Variants in NAA60 observed in about 807,000 individuals in gnomAD.
NAA60 encodes N-alpha-acetyltransferase 60, NatF catalytic subunit, also known as N-alpha-acetyltransferase 60.
A neutral mutation model predicts 26.1 loss-of-function variants in NAA60; 8 were observed. The ratio of observed to expected loss-of-function variants is 0.31; its 90% CI spans 0.18 to 0.55. NAA60 has a LOEUF of 0.55. Among genes scored for constraint, NAA60 ranks in the 20% least tolerant of loss-of-function variants. NAA60 has a pLI of 0.93. For missense variants in NAA60, 290 were observed against 311.3 expected (o/e 0.93, Z 0.51); for synonymous variants, 131 against 122.5 (o/e 1.07, Z -0.46).
At chr16:3,455,040 A>T (rs907133404) in intron 2 of NAA60, among the ~76,000 whole-genome samples, 3 of 152,172 alleles carry the variant, frequency 2.0e-5, no homozygotes, top group Non-Finnish European at 4.4e-5. Context: ...TTATTTTCTC[A>T]TTTGTGTTTT....
At chr16:3,471,179 A>G (rs1442246712) in intron 2 of NAA60, among the ~76,000 whole-genome samples, 1 of 152,162 alleles carries the variant, frequency 6.6e-6, no homozygotes, top group Non-Finnish European at 1.5e-5. Flanking sequence ...ACCAAGCCAC[A>G]ATATAGAGAT....
chr16:3,457,276 A>G (rs932001699), intron 2 of NAA60, among the ~76,000 whole-genome samples: 12 of 151,512 alleles, frequency 7.9e-5, no homozygotes, highest in Non-Finnish European at 1.8e-4. Context: ...TGACATTCCC[A>G]TCCCTACAAA....
rs140769087 is a variant in NAA60 at position 3,448,520 on chromosome 16, T to C, written c.-27T>C. The C allele has an allele frequency of 1.3e-6, 2 of 1,535,560 alleles. No homozygotes were observed. The highest frequency in any genetic ancestry group is 1.7e-6 in the Non-Finnish European group (2 of 1,146,858). On this transcript the variant is annotated 5_prime_UTR_variant, in exon 2 of 8. Coordinates refer to ENST00000407558, the MANE Select transcript of NAA60 (RefSeq NM_001083601.3). The stretch of plus-strand genomic sequence containing the variant: ...GAAGGAAGTGCGGAGCCAGCCTGAG[T>C]TGGGAGAAGAGCTCCAGAGAGTGAG...
At chr16:3,448,222 T>C (rs2034630872) in intron 1 of NAA60, among the ~76,000 whole-genome samples, 1 of 143,194 alleles carries the variant, frequency 7.0e-6, no homozygotes, top group African/African-American at 2.6e-5. Context: ...TGCAGTGAGC[T>C]AGCATTGTGC....
intron 2 of NAA60, among the ~76,000 whole-genome samples, chr16:3,454,753 T>C (rs748375041): frequency 1.3e-5 from 2 of 152,144 alleles, no homozygotes; most frequent in Non-Finnish European, 2.9e-5. Context: ...TCTGCTTGAC[T>C]TGCTTAGGCA....
chr16:3,476,888 A>C (rs1375504231), intron 3 of NAA60, among the ~76,000 whole-genome samples: 1 of 152,134 alleles, frequency 6.6e-6, no homozygotes, highest in Non-Finnish European at 1.5e-5. Flanking sequence ...CTAAAAATAC[A>C]AAATTAGCCA....
intron 2 of NAA60, 179 bp from the exon 3 acceptor site, chr16:3,476,043 G>T (rs1429066935): frequency 3.5e-6 from 2 of 577,272 alleles, no homozygotes; most frequent in Non-Finnish European, 6.1e-6. Flanking sequence ...CCCAGCGATG[G>T]GGGCGACTGC....
At chr16:3,461,470 A>G (rs940021820) in intron 2 of NAA60, among the ~76,000 whole-genome samples, 3 of 152,224 alleles carry the variant, frequency 2.0e-5, no homozygotes, top group African/African-American at 7.2e-5. Context: ...TCAGCAGCTC[A>G]GACGGGATTC....
chr16:3,464,347 A>C (rs1400356984), intron 2 of NAA60, among the ~76,000 whole-genome samples: 1 of 152,184 alleles, frequency 6.6e-6, no homozygotes, highest in Non-Finnish European at 1.5e-5. Context: ...ATTCCAGAGG[A>C]TCTTAAGTGC....
At chr16:3,458,078 A>G (rs1260829702) in intron 2 of NAA60, 3 of 985,296 alleles carry the variant, frequency 3.0e-6, no homozygotes, top group Non-Finnish European at 3.6e-6. Context: ...TGCCGGTTAC[A>G]TAACTCGTTG....
At chr16:3,464,057 A>G (rs1403126102) in intron 2 of NAA60, among the ~76,000 whole-genome samples, 2 of 152,152 alleles carry the variant, frequency 1.3e-5, no homozygotes, top group Non-Finnish European at 2.9e-5. Flanking sequence ...ATTTTGAGAC[A>G]GAGTCTCACT....
chr16:3,450,685 G>C (rs772182639), intron 2 of NAA60, among the ~76,000 whole-genome samples: 1 of 133,328 alleles, frequency 7.5e-6, no homozygotes, highest in Non-Finnish European at 1.6e-5. Context: ...GGGCGACAGA[G>C]TGAGACTCCG....
intron 3 of NAA60, among the ~76,000 whole-genome samples, chr16:3,478,064 A>AAATAATAATAATAATAAT (rs60478448): frequency 0.019 from 2,617 of 137,218 alleles, 41 homozygotes; most frequent in African/African-American, 0.04. Flanking sequence ...CTCTGTCTCA[A>AAATAATAATAATAATAAT]AATAATAATA....
At position 3,484,679 on chromosome 16, in the gene NAA60, C is replaced by A; in HGVS notation, c.573-20C>A. On this transcript the variant is annotated intron_variant, in intron 6 of 7. Transcript: ENST00000407558. The stretch of plus-strand genomic sequence containing the variant: ...GAGCGTGGTCAGGGCAAGTCGGAAT[C>A]TTCCTTAACAGAGCCCCACGGACTA... 1 of 1,577,198 alleles carries A rather than the reference C, an allele frequency of 6.3e-7. No homozygotes were observed. Among genetic ancestry groups the A allele is most frequent in the Admixed American group, 1.8e-5 (1 of 54,612 alleles).
At chr16:3,457,965 G>A (rs1596299047) in intron 2 of NAA60, 14 of 985,144 alleles carry the variant, frequency 1.4e-5, no homozygotes, top group African/African-American at 8.7e-5. Context: ...AGGGGGCGGG[G>A]CCACGTGGGG....
At chr16:3,468,790 G>C (rs1478325900) in intron 2 of NAA60, among the ~76,000 whole-genome samples, 1 of 152,188 alleles carries the variant, frequency 6.6e-6, no homozygotes, top group African/African-American at 2.4e-5. Context: ...AAATTCAAGG[G>C]AGTGGCCGGG....
chr16:3,449,152 C>T (rs2034669498), intron 2 of NAA60, among the ~76,000 whole-genome samples: 1 of 152,042 alleles, frequency 6.6e-6, no homozygotes, highest in African/African-American at 2.4e-5. Flanking sequence ...GCGGGTAGAT[C>T]TCTGGAGGTC....
chr16:3,485,308 G>A (rs758584654), intron 7 of NAA60, 159 bp from the exon 8 acceptor site: 16 of 531,246 alleles, frequency 3.0e-5, no homozygotes, highest in East Asian at 9.6e-5. Flanking sequence ...TGTGGGGACC[G>A]AGAGGCGCCT....
chr16:3,469,762 T>G (rs2036008113), intron 2 of NAA60, among the ~76,000 whole-genome samples: 1 of 152,210 alleles, frequency 6.6e-6, no homozygotes, highest in African/African-American at 2.4e-5. Context: ...CAATGGAAGA[T>G]GAGTACTTAG....
Sources: gnomAD v4.1 joint callset for allele counts (sites outside exome capture counted in the v4.1 genomes callset) on GRCh38, gnomAD v4.1.1 for gene constraint, MANE v1.5 for transcripts, NCBI Gene and HGNC (gene_info 2026-07-23, HGNC 2026-07-21) for gene names.